Variants in DAB1 observed in about 807,000 individuals in gnomAD.
The protein encoded by DAB1 is disabled homolog 1.
A neutral mutation model predicts 64.6 loss-of-function variants in DAB1; 15 were observed. That is an observed-to-expected ratio of 0.23 (90% confidence interval 0.16 to 0.36). DAB1 has a LOEUF of 0.36. DAB1 is among the 10% of genes least tolerant of loss of function. The pLI is 1.00. For missense variants in DAB1, 596 were observed against 706.7 expected, an observed-to-expected ratio of 0.84 and a Z score of 1.78; for synonymous variants, 235 against 251.9, an observed-to-expected ratio of 0.93 and a Z score of 0.64.
intron 14 of DAB1, among the ~76,000 whole-genome samples, chr1:57,010,249 A>C (rs977472610): frequency 6.6e-6 from 1 of 152,172 alleles, no homozygotes; most frequent in African/African-American, 2.4e-5. Context: ...GAATGTGTCC[A>C]TCTCAAAATG....
intron 9 of DAB1, among the ~76,000 whole-genome samples, chr1:57,042,265 T>C (rs977169020): frequency 6.6e-6 from 1 of 152,234 alleles, no homozygotes; most frequent in Non-Finnish European, 1.5e-5. Flanking sequence ...TTTTGATTGA[T>C]TGTAGAACTT....
At chr1:58,545,091 C>T (rs150983697) in intron 1 of DAB1, among the ~76,000 whole-genome samples, 1 of 152,208 alleles carries the variant, frequency 6.6e-6, no homozygotes, top group East Asian at 1.9e-4. Context: ...CCAGGCCCTC[C>T]TACTACTTCT....
chr1:57,845,292 G>A (rs1380189775), intron 1 of DAB1, among the ~76,000 whole-genome samples: 3 of 152,194 alleles, frequency 2.0e-5, no homozygotes, highest in East Asian at 1.9e-4. Context: ...ATTTTGTACT[G>A]CATGTTGGGG....
At chr1:57,313,595 T>G (rs1674926112) in intron 1 of DAB1, among the ~76,000 whole-genome samples, 1 of 152,188 alleles carries the variant, frequency 6.6e-6, no homozygotes, top group Non-Finnish European at 1.5e-5. Context: ...TGATGGCACC[T>G]GCCACTCAAG....
At chr1:58,283,057 A>T (rs1661601196) in intron 4 of DAB1, among the ~76,000 whole-genome samples, 1 of 151,474 alleles carries the variant, frequency 6.6e-6, no homozygotes, top group Non-Finnish European at 1.5e-5. Context: ...AGTAGACAGA[A>T]TTTTTTTTAA....
At chr1:58,447,619 A>C (rs953233896) in intron 3 of DAB1, among the ~76,000 whole-genome samples, 7 of 152,216 alleles carry the variant, frequency 4.6e-5, no homozygotes, top group Non-Finnish European at 8.8e-5. Flanking sequence ...AACGCTCGTC[A>C]GTGCTATGAA....
intron 3 of DAB1, among the ~76,000 whole-genome samples, chr1:58,461,212 T>C (rs1645239954): frequency 6.6e-6 from 1 of 152,234 alleles, no homozygotes; most frequent in African/African-American, 2.4e-5. Context: ...CACTTATGTA[T>C]GTTTTAGAAA....
chr1:58,503,321 C>G (rs184404074), intron 3 of DAB1, among the ~76,000 whole-genome samples: 1 of 152,282 alleles, frequency 6.6e-6, no homozygotes, highest in African/African-American at 2.4e-5. Context: ...GTCAGTGATC[C>G]TCAGTACAAG....
intron 4 of DAB1, among the ~76,000 whole-genome samples, chr1:58,298,964 C>A (rs900210491): frequency 6.6e-6 from 1 of 152,124 alleles, no homozygotes; most frequent in Non-Finnish European, 1.5e-5. Flanking sequence ...CACTAGGAAA[C>A]ACGTAAAATG....
chr1:57,878,069 T>C (rs973442236), intron 1 of DAB1, among the ~76,000 whole-genome samples: 11 of 152,250 alleles, frequency 7.2e-5, no homozygotes, highest in Admixed American at 4.6e-4. Context: ...ATTGGAATCC[T>C]GTTGTATATA....
chr1:57,936,383 T>C (rs1185181842), intron 5 of DAB1, among the ~76,000 whole-genome samples: 1 of 152,196 alleles, frequency 6.6e-6, no homozygotes, highest in African/African-American at 2.4e-5. Context: ...TTCATTGGAT[T>C]GTAATCCATA....
intron 4 of DAB1, among the ~76,000 whole-genome samples, chr1:57,083,345 T>C (rs982797921): frequency 6.6e-6 from 1 of 152,234 alleles, no homozygotes; most frequent in African/African-American, 2.4e-5. Flanking sequence ...ATTTTCATTC[T>C]TCTAAAATCC....
At chr1:57,335,715 T>G (rs115420280) in intron 1 of DAB1, among the ~76,000 whole-genome samples, 2,139 of 152,256 alleles carry the variant, frequency 0.014, 37 homozygotes, top group African/African-American at 0.041. Flanking sequence ...TTATTTGTAT[T>G]AACGAAAATG....
intron 4 of DAB1, among the ~76,000 whole-genome samples, chr1:58,324,196 A>T (rs892595009): frequency 6.6e-6 from 1 of 152,150 alleles, no homozygotes; most frequent in Non-Finnish European, 1.5e-5. Context: ...ATTGTATTAT[A>T]ATAGCCTCGC....
intron 5 of DAB1, among the ~76,000 whole-genome samples, chr1:58,054,148 G>A (rs568629886): frequency 3.3e-5 from 5 of 152,234 alleles, no homozygotes; most frequent in Non-Finnish European, 5.9e-5. Context: ...AGATAAAGAC[G>A]CTAAGTCTTA....
At chr1:58,035,415 G>C (rs1647030452) in intron 5 of DAB1, among the ~76,000 whole-genome samples, 1 of 152,148 alleles carries the variant, frequency 6.6e-6, no homozygotes, top group South Asian at 2.1e-4. Context: ...AAACTCCAGG[G>C]GACTAAGATG....
intron 3 of DAB1, among the ~76,000 whole-genome samples, chr1:58,430,347 C>G (rs1367216576): frequency 7.5e-6 from 1 of 133,198 alleles, no homozygotes; most frequent in African/African-American, 3.8e-5. Flanking sequence ...GGACTTCAAT[C>G]AGAGAAGAAG....
chr1:57,671,183 T>C (rs1346590690), intron 6 of DAB1, among the ~76,000 whole-genome samples: 4 of 152,158 alleles, frequency 2.6e-5, no homozygotes, highest in Non-Finnish European at 5.9e-5. Flanking sequence ...TTTATAAAAT[T>C]TGGTCAACAT....
rs141526505 is a variant in DAB1 at position 58,452,699 on chromosome 1, G to A, written n.257+53361C>T. 9.6e-4 allele frequency among the ~76,000 whole-genome samples: 145 copies of A among 150,972 alleles called. 1 individual carries two copies. The East Asian group carries it at 0.028, about 29-fold the overall frequency. On this transcript the variant is annotated intron_variant and non_coding_transcript_variant, in intron 3 of 20. Transcript: ENST00000485760. The stretch of plus-strand genomic sequence containing the variant: ...AAATTAGCTGGGCATGATGGTGGGT[G>A]CCTGTACTACTCCCAGCTACTCAGA...
Sources: gnomAD v4.1 joint callset for allele counts (sites outside exome capture counted in the v4.1 genomes callset) on GRCh38, gnomAD v4.1.1 for gene constraint, MANE v1.5 for transcripts, NCBI Gene and HGNC (gene_info 2026-07-23, HGNC 2026-07-21) for gene names.